VSIG4: variants seen among roughly 807,000 people sequenced by gnomAD.
VSIG4 encodes the protein V-set and immunoglobulin domain containing 4.
A neutral mutation model predicts 23.4 loss-of-function variants in VSIG4; 34 were observed. That is an observed-to-expected ratio of 1.45 (90% CI 1.10 to 1.93). The LOEUF (loss-of-function observed/expected upper bound fraction) is 1.93. Ranked by LOEUF, VSIG4 falls within the 30% of genes most tolerant of loss-of-function variation. VSIG4 has a pLI of 0.00. For synonymous variants in VSIG4, 169 were observed against 120.3 expected, an observed-to-expected ratio of 1.41 and a Z score of -2.65; for missense variants, 433 against 310.8, an observed-to-expected ratio of 1.39 and a Z score of -2.96.
chrX:66,038,783 T>C (rs948431214), intron 1 of VSIG4, among the ~76,000 whole-genome samples: 3 of 111,480 alleles, frequency 2.7e-5, no homozygotes, highest in South Asian at 3.8e-4. Context: ...TTTCTAACTC[T>C]GAGGTTCCAG....
intron 3 of VSIG4, among the ~76,000 whole-genome samples, chrX:66,030,583 A>G (rs766278598): frequency 5.4e-5 from 6 of 110,629 alleles, no homozygotes; most frequent in Non-Finnish European, 1.1e-4. Flanking sequence ...GGATAGGGAA[A>G]TATCAAGGCA....
rs2085340893 is a variant in VSIG4, at chrX:66,022,291, A to G, written c.1172T>C (p.Leu391Pro). Residue 391 changes from leucine to proline, a missense_variant, in exon 8 of 8, where the codon CTG (leucine) becomes CCG (proline). Transcript: ENST00000374737. ...LDTVPLDYEF[L>P]ATEGKSVC ...ACAGACACTTTTGCCCTCAGTGGCC[A>G]GAAACTCATAATCCAGAGGAACTGT... 8.3e-7 allele frequency: 1 copy of G among 1,211,110 alleles called. No homozygotes were observed. Among genetic ancestry groups the G allele is most frequent in the African/African-American group, 1.7e-5 (1 of 57,540 alleles).
In VSIG4 at chrX:66,022,514, G is replaced by C; in HGVS notation, c.963-14C>G. On this transcript the variant is annotated splice_polypyrimidine_tract_variant and intron_variant, in intron 7 of 7. Transcript: ENST00000374737. The stretch of plus-strand genomic sequence containing the variant: ...CTGGCATGTGCCCTATGGCCCAAGA[G>C]CCCACCACCCATAAGAAGGGACTTG... The C allele has an allele frequency of 8.3e-7, 1 of 1,209,058 alleles. No homozygotes were observed. The highest frequency in any genetic ancestry group is 3.0e-5 in the East Asian group (1 of 33,744).
At chrX:66,025,357 C>G (rs939737671) in intron 5 of VSIG4, among the ~76,000 whole-genome samples, 1 of 111,997 alleles carries the variant, frequency 8.9e-6, no homozygotes, top group African/African-American at 3.2e-5. Context: ...GGCTGATTGG[C>G]CTGGGCATTT....
In VSIG4 at chrX:66,022,475, A is replaced by T. The variant is rs773672212; in HGVS notation, c.988T>A (p.Ser330Thr). 8.3e-7 allele frequency: 1 copy of T among 1,210,675 alleles called. No individual in the cohort carries two copies. The highest frequency in any genetic ancestry group is 1.1e-6 in the Non-Finnish European group (1 of 895,361). The part of the protein sequence containing the change: ...ARAHAREAND[S>T]GETMRVAIFA... ...ATGGCCACCCTCATGGTTTCTCCAG[A>T]GTCGTTGGCCTCTCTGGCATGTGCC... Residue 330 changes from serine (S) to threonine (T), a missense_variant, in exon 8 of 8, where the codon TCT becomes ACT. Coordinates refer to ENST00000374737, the MANE Select transcript of VSIG4 (RefSeq NM_007268.3).
chrX:66,039,099 C>T (rs928394369), intron 1 of VSIG4, among the ~76,000 whole-genome samples: 3 of 111,794 alleles, frequency 2.7e-5, no homozygotes, highest in African/African-American at 3.3e-5. Context: ...GATTTGTATC[C>T]AGCCCATAAA....
chrX:66,027,564 TC>T, intron 4 of VSIG4, 38 bp from the exon 5 acceptor site: 1 of 1,089,093 alleles, frequency 9.2e-7, no homozygotes, highest in Non-Finnish European at 1.3e-6. Context: ...ATGTCTCTCT[TC>T]TTTCAAAAAG....
chrX:66,025,098 G>T lies in VSIG4; in HGVS notation c.867C>A (p.Leu289=), dbSNP rs759211847. 1.7e-6 allele frequency: 2 copies of T among 1,203,511 alleles called. No individual in the cohort carries two copies. Among genetic ancestry groups the T allele is most frequent in the Non-Finnish European group, 2.2e-6 (2 of 891,345 alleles). ...CCACCATACAGCACAAGGAGATGAT[G>T]AGGATGATGGCAAAGACAGGCAGGC... ...GKSLPVFAII[L]IISLCCMVVF... Residue 289 remains leucine (L), a synonymous_variant, in exon 6 of 8, where the codon CTC becomes CTA. Coordinates refer to ENST00000374737, the MANE Select transcript of VSIG4 (RefSeq NM_007268.3).
At chrX:66,024,673 C>T (rs1014402231) in intron 6 of VSIG4, among the ~76,000 whole-genome samples, 11 of 111,881 alleles carry the variant, frequency 9.8e-5, no homozygotes, top group African/African-American at 1.6e-4. Flanking sequence ...GCCTCTATTG[C>T]TATGTATTGT....
At chrX:66,025,485 A>G (rs1255264851) in intron 5 of VSIG4, among the ~76,000 whole-genome samples, 1 of 112,297 alleles carries the variant, frequency 8.9e-6, no homozygotes, top group Non-Finnish European at 1.9e-5. Flanking sequence ...TACCTTATTA[A>G]GATTCTGGTC....
chrX:66,027,567 T>A lies in VSIG4; in HGVS notation c.758-41A>T, dbSNP rs9633155. The A allele has an allele frequency of 0.19, 205,887 of 1,077,803 alleles. 23,476 individuals are homozygous for A. Among genetic ancestry groups the A allele is most frequent in the African/African-American group, 0.83 (45,308 of 54,437 alleles). The allele number at this position is 1,077,803 out of a possible 1,213,427, so 88.8% of individuals were successfully genotyped here. On this transcript the variant is annotated intron_variant, in intron 4 of 7. Transcript: ENST00000374737. ...ATAGGGTCAGAGATGTCTCTCTTCT[T>A]TCAAAAAGTTGAGAGATAGGAGATG... is the stretch of plus-strand genomic sequence containing the variant.
chrX:66,034,611 G>C (rs1308390943), intron 1 of VSIG4, among the ~76,000 whole-genome samples: 1 of 111,040 alleles, frequency 9.0e-6, no homozygotes, highest in African/African-American at 3.3e-5. Flanking sequence ...GGATACATAG[G>C]AAAATTTCAT....
At position 66,025,134 on chromosome X, in the gene VSIG4, A is replaced by T; in HGVS notation, c.836-5T>A. The T allele has an allele frequency of 2.6e-6, 3 of 1,153,780 alleles. No individual in the cohort carries two copies. The highest frequency in any genetic ancestry group is 3.5e-6 in the Non-Finnish European group (3 of 856,895). ...CAAAGACAGGCAGGCTCTTTCCTAG[A>T]GGGTAAAACAAGATCAAGTGGTATT... On this transcript the variant is annotated splice_region_variant and splice_polypyrimidine_tract_variant and intron_variant, in intron 5 of 7. Transcript: ENST00000374737.
At position 66,022,183 on chromosome X, in the gene VSIG4, G is replaced by C; in HGVS notation, c.*80C>G. 2.5e-6 allele frequency: 3 copies of C among 1,210,143 alleles called. No homozygotes were observed. The highest frequency in any genetic ancestry group is 3.4e-6 in the Non-Finnish European group (3 of 894,667). ...CACTTTGGGCTATCCAGGAAGAGAG[G>C]TAGCAGGGAAGAAGGCCATGCAGAA... On this transcript the variant is annotated 3_prime_UTR_variant, in exon 8 of 8. Transcript: ENST00000374737.
Position 66,036,688 on chromosome X carries a change from A to C in VSIG4, c.56-2858T>G, listed in dbSNP as rs1210882650. ...TATAATATAATATATATAATACGAT[A>C]TATTATTAATATATTATAATTATAT... On this transcript the variant is annotated intron_variant, in intron 1 of 7. Coordinates refer to ENST00000374737, the MANE Select transcript of VSIG4 (RefSeq NM_007268.3). 6.5e-5 allele frequency among the ~76,000 whole-genome samples: 4 copies of C among 61,239 alleles called. No individual in the cohort carries two copies. In the East Asian group the frequency reaches 1.5e-3, roughly 22 times the overall value. The allele number at this position is 61,239 out of a possible 115,157, so 53.2% of individuals were successfully genotyped here. A position where few individuals can be genotyped will look rare whatever the true frequency, so the allele number is the denominator to read the frequency against.
intron 7 of VSIG4, 64 bp from the exon 8 acceptor site, chrX:66,022,564 C>G: frequency 8.5e-7 from 1 of 1,180,753 alleles, no homozygotes; most frequent in Admixed American, 2.4e-5. Flanking sequence ...GTTTCCCACC[C>G]TTCTGCCTCA....
chrX:66,027,213 G>A (rs957668566), intron 5 of VSIG4, among the ~76,000 whole-genome samples: 1 of 111,551 alleles, frequency 9.0e-6, no homozygotes, highest in African/African-American at 3.3e-5. Flanking sequence ...ACTAAATAAA[G>A]GGCACATTTA....
intron 1 of VSIG4, among the ~76,000 whole-genome samples, chrX:66,034,849 TAGA>T (rs944261580): frequency 9.1e-6 from 1 of 110,248 alleles, no homozygotes; most frequent in Non-Finnish European, 1.9e-5. Flanking sequence ...AGCTCTTATT[TAGA>T]AGATTTTTTG....
intron 1 of VSIG4, among the ~76,000 whole-genome samples, chrX:66,039,192 T>G (rs926360404): frequency 8.9e-6 from 1 of 112,018 alleles, no homozygotes; most frequent in African/African-American, 3.2e-5. Context: ...TGAAGACCAG[T>G]TGAAAAAGCT....
Sources: gnomAD v4.1 joint callset for allele counts (sites outside exome capture counted in the v4.1 genomes callset) on GRCh38, gnomAD v4.1.1 for gene constraint, MANE v1.5 for transcripts, NCBI Gene and HGNC (gene_info 2026-07-23, HGNC 2026-07-21) for gene names.